PRR5L: variants seen among roughly 807,000 people sequenced by gnomAD.
PRR5L encodes the protein proline-rich protein 5-like.
PRR5L carries 21 observed loss-of-function variants against 36.4 expected under a neutral mutation model. The ratio of observed to expected loss-of-function variants is 0.58; its 90% CI spans 0.41 to 0.83. The LOEUF (loss-of-function observed/expected upper bound fraction) is 0.83. PRR5L is among the 40% of genes least tolerant of loss of function. PRR5L has a pLI of 0.00. For synonymous variants in PRR5L, 188 were observed against 197.0 expected, an observed-to-expected ratio of 0.95 and a Z score of 0.38; for missense variants, 381 against 473.3, an observed-to-expected ratio of 0.80 and a Z score of 1.81.
intron 1 of PRR5L, among the ~76,000 whole-genome samples, chr11:36,391,439 C>T (rs1056160805): frequency 1.3e-5 from 2 of 152,202 alleles, no homozygotes; most frequent in East Asian, 1.9e-4. Flanking sequence ...TGATGAAACT[C>T]ATATAAGCTG....
intron 1 of PRR5L, among the ~76,000 whole-genome samples, chr11:36,327,028 C>T (rs1311755629): frequency 1.3e-5 from 2 of 152,238 alleles, no homozygotes; most frequent in East Asian, 3.9e-4. Context: ...CCAGTTGGGG[C>T]CATTGGACAA....
At chr11:36,311,834 C>CA (rs1856506410) in intron 1 of PRR5L, among the ~76,000 whole-genome samples, 1 of 152,108 alleles carries the variant, frequency 6.6e-6, no homozygotes, top group African/African-American at 2.4e-5. Flanking sequence ...TTCAAAGTAT[C>CA]AACTTATGAA....
At chr11:36,328,246 A>C (rs1856684611) in intron 1 of PRR5L, among the ~76,000 whole-genome samples, 1 of 152,198 alleles carries the variant, frequency 6.6e-6, no homozygotes, top group African/African-American at 2.4e-5. Flanking sequence ...ATGGACTCAG[A>C]AATATGAGTG....
At chr11:36,400,660 A>G (rs1857771965) in intron 1 of PRR5L, among the ~76,000 whole-genome samples, 1 of 152,158 alleles carries the variant, frequency 6.6e-6, no homozygotes, top group African/African-American at 2.4e-5. Context: ...TCCATCTCTT[A>G]CTGCACAACA....
chr11:36,318,064 T>C (rs1393255000), intron 1 of PRR5L, among the ~76,000 whole-genome samples: 1 of 152,248 alleles, frequency 6.6e-6, no homozygotes, highest in Non-Finnish European at 1.5e-5. Flanking sequence ...TTTCTATGTT[T>C]ACATACACAA....
intron 2 of PRR5L, 79 bp from the exon 3 acceptor site, chr11:36,403,219 C>T: frequency 8.0e-7 from 1 of 1,245,370 alleles, no homozygotes; most frequent in Non-Finnish European, 1.2e-6. Context: ...TCACTCCACA[C>T]ACCTTCAGCC....
chr11:36,377,200 A>G lies in PRR5L; in HGVS notation c.-125-23797A>G, dbSNP rs527584355. Reference sequence around the variant, plus strand: ...CCCTTTTTCTGGAGGGAGGCGTGGGAGAGAAGGGCAGGGCAGGGAGCCACT... The same window carrying G: ...CCCTTTTTCTGGAGGGAGGCGTGGGGGAGAAGGGCAGGGCAGGGAGCCACT... On this transcript the variant is annotated intron_variant, in intron 1 of 8. Coordinates refer to ENST00000530639, the MANE Select transcript of PRR5L (RefSeq NM_001160167.2). The surrounding 1 kb of genome is among the most constrained non-coding windows in gnomAD (Gnocchi z 5.1). Among the ~76,000 whole-genome samples the G allele has an allele frequency of 8.5e-5, 13 of 152,062 alleles. No homozygotes were observed. The South Asian group carries it at 2.5e-3, about 29-fold the overall frequency.
intron 3 of PRR5L, among the ~76,000 whole-genome samples, chr11:36,407,971 C>T (rs762046817): frequency 3.9e-5 from 6 of 152,164 alleles, no homozygotes; most frequent in Admixed American, 2.6e-4. Context: ...GGTTTCTCCA[C>T]CCTTTAAGAA....
At chr11:36,305,544 T>A (rs1190907549) in intron 1 of PRR5L, among the ~76,000 whole-genome samples, 1 of 152,212 alleles carries the variant, frequency 6.6e-6, no homozygotes, top group Non-Finnish European at 1.5e-5. Context: ...GTAGGTTCTA[T>A]GGTCTGAATA....
chr11:36,310,389 C>G (rs182936371), intron 1 of PRR5L, among the ~76,000 whole-genome samples: 2 of 152,138 alleles, frequency 1.3e-5, no homozygotes. Context: ...TTAGAGTCCA[C>G]CCAGAGAGCA....
At chr11:36,372,087 GAATA>G (rs1481275455) in intron 1 of PRR5L, among the ~76,000 whole-genome samples, 1 of 151,982 alleles carries the variant, frequency 6.6e-6, no homozygotes, top group Non-Finnish European at 1.5e-5. Flanking sequence ...ATAATAAAAT[GAATA>G]AATAAATGCG....
chr11:36,375,706 C>A (rs907255740), intron 1 of PRR5L, among the ~76,000 whole-genome samples: 7 of 152,072 alleles, frequency 4.6e-5, no homozygotes, highest in Non-Finnish European at 1.0e-4. Flanking sequence ...AAAACAAAAC[C>A]CAACAGTTTT....
At chr11:36,395,312 C>T (rs991186899) in intron 1 of PRR5L, among the ~76,000 whole-genome samples, 4 of 152,120 alleles carry the variant, frequency 2.6e-5, no homozygotes, top group African/African-American at 7.2e-5. Context: ...ATGGCCATGA[C>T]GTGTTATTAG....
chr11:36,314,180 G>A (rs888146324), intron 1 of PRR5L, among the ~76,000 whole-genome samples: 1 of 152,154 alleles, frequency 6.6e-6, no homozygotes, highest in African/African-American at 2.4e-5. Flanking sequence ...TGGTACTAAA[G>A]AGGACCTAAT....
intron 1 of PRR5L, among the ~76,000 whole-genome samples, chr11:36,334,169 G>A (rs919229433): frequency 1.2e-4 from 19 of 152,176 alleles, no homozygotes; most frequent in African/African-American, 4.6e-4. Flanking sequence ...CACACCTACT[G>A]CAAAGGAGGC....
At chr11:36,409,955 C>T (rs1157681315) in intron 3 of PRR5L, among the ~76,000 whole-genome samples, 1 of 152,162 alleles carries the variant, frequency 6.6e-6, no homozygotes, top group Non-Finnish European at 1.5e-5. Flanking sequence ...ACAGAGCTGG[C>T]ATTATCCAGA....
intron 1 of PRR5L, among the ~76,000 whole-genome samples, chr11:36,337,141 G>A (rs150630813): frequency 2.0e-5 from 3 of 152,080 alleles, no homozygotes; most frequent in Non-Finnish European, 4.4e-5. Flanking sequence ...TATTTGCCAC[G>A]GTCGCTGGGT....
intron 1 of PRR5L, among the ~76,000 whole-genome samples, chr11:36,306,822 G>T (rs1288081609): frequency 6.6e-6 from 1 of 152,084 alleles, no homozygotes; most frequent in Non-Finnish European, 1.5e-5. Flanking sequence ...ATGGGATCAG[G>T]TGTCAACTTC....
chr11:36,335,101 T>C (rs558320151), intron 1 of PRR5L, among the ~76,000 whole-genome samples: 2 of 148,468 alleles, frequency 1.3e-5, no homozygotes, highest in African/African-American at 5.2e-5. Flanking sequence ...TTTTTTTTTC[T>C]TTTAAGACAG....
Sources: gnomAD v4.1 joint callset for allele counts (sites outside exome capture counted in the v4.1 genomes callset) on GRCh38, gnomAD v4.1.1 for gene constraint, Gnocchi (gnomAD v3.1) non-coding constraint, MANE v1.5 for transcripts, NCBI Gene and HGNC (gene_info 2026-07-23, HGNC 2026-07-21) for gene names.